Variants in PRDM2 observed in about 807,000 individuals in gnomAD.
The protein encoded by PRDM2 is PR domain zinc finger protein 2.
In PRDM2, 30 loss-of-function variants were observed where a neutral mutation model predicts 130.0. That is an observed-to-expected ratio of 0.23 (90% CI 0.17 to 0.31). The LOEUF is 0.31. Ranked by LOEUF, PRDM2 falls within the 10% of genes least tolerant of loss-of-function variation. The pLI is 1.00. For synonymous variants in PRDM2, 871 were observed against 782.4 expected, an observed-to-expected ratio of 1.11 and a Z score of -1.89; for missense variants, 2,011 against 2,108.4, an observed-to-expected ratio of 0.95 and a Z score of 0.90.
chr1:13,780,530 G>T lies in PRDM2; in HGVS notation c.2735G>T (p.Ser912Ile), dbSNP rs369585093. 1.2e-5 allele frequency: 19 copies of T among 1,614,038 alleles called. No individual in the cohort carries two copies. The highest frequency in any genetic ancestry group is 1.5e-5 in the Non-Finnish European group (18 of 1,180,034). ...PVENPADGTR[S>I]PSPCKSLEAQ... Reference sequence around the variant, plus strand: ...GAAAACCCTGCAGATGGGACCAGGAGCCCAAGTCCTTGTAAATCCCTAGAA... The same window carrying T: ...GAAAACCCTGCAGATGGGACCAGGATCCCAAGTCCTTGTAAATCCCTAGAA... The change falls in exon 8 of 10, where the codon AGC becomes ATC. Residue 912 changes from serine (S) to isoleucine (I), a missense_variant. Transcript: ENST00000311066.
chr1:13,786,332 C>T (rs1039769994), intron 8 of PRDM2, among the ~76,000 whole-genome samples: 5 of 152,096 alleles, frequency 3.3e-5, no homozygotes, highest in East Asian at 1.9e-4. Context: ...GAAATAAATG[C>T]GTGTAGTTCC....
chr1:13,727,562 C>CT (rs1469677032), intron 2 of PRDM2, among the ~76,000 whole-genome samples: 1 of 152,162 alleles, frequency 6.6e-6, no homozygotes. Flanking sequence ...GCGTTCCCCT[C>CT]TTTTTTTTCA....
intron 8 of PRDM2, among the ~76,000 whole-genome samples, chr1:13,789,244 C>T (rs61775127): frequency 6.6e-6 from 1 of 152,230 alleles, no homozygotes; most frequent in African/African-American, 2.4e-5. Context: ...CCTTCCATCC[C>T]TGTTACCATT....
At chr1:13,726,385 C>T (rs1044305683) in intron 2 of PRDM2, among the ~76,000 whole-genome samples, 6 of 152,154 alleles carry the variant, frequency 3.9e-5, no homozygotes, top group Middle Eastern at 3.2e-3. Flanking sequence ...GGTCAAAACT[C>T]GTGAATCAAA....
chr1:13,818,202 G>T (rs552598962), intron 9 of PRDM2, among the ~76,000 whole-genome samples: 4 of 152,302 alleles, frequency 2.6e-5, no homozygotes, highest in African/African-American at 9.6e-5. Flanking sequence ...GGGAATGTGT[G>T]CTTAACACGA....
intron 6 of PRDM2, among the ~76,000 whole-genome samples, chr1:13,757,536 G>C (rs1367995765): frequency 6.6e-6 from 1 of 152,166 alleles, no homozygotes; most frequent in East Asian, 1.9e-4. Context: ...TAACAGTCTG[G>C]TTGTTCCACC....
At chr1:13,784,999 T>A (rs1277487830) in intron 8 of PRDM2, among the ~76,000 whole-genome samples, 1 of 152,218 alleles carries the variant, frequency 6.6e-6, no homozygotes, top group Non-Finnish European at 1.5e-5. Flanking sequence ...GGGCATTTCT[T>A]TAAAGTGTTT....
chr1:13,738,890 G>T (rs1417448942), intron 4 of PRDM2: 1 of 150,494 alleles, frequency 6.6e-6, no homozygotes, highest in African/African-American at 2.5e-5. Context: ...AACCCTTCAG[G>T]TATCTAATTC....
chr1:13,812,589 G>A (rs558242965), intron 8 of PRDM2, among the ~76,000 whole-genome samples: 6 of 152,326 alleles, frequency 3.9e-5, no homozygotes, highest in South Asian at 4.1e-4. Flanking sequence ...CCACTTTGCC[G>A]TGTTAAAGTG....
chr1:13,788,949 T>C (rs867913050), intron 8 of PRDM2, among the ~76,000 whole-genome samples: 7 of 152,032 alleles, frequency 4.6e-5, no homozygotes, highest in Non-Finnish European at 8.8e-5. Flanking sequence ...AAGTGGGGAG[T>C]AGACTGGCTG....
At position 13,780,899 on chromosome 1, in the gene PRDM2, C is replaced by G. The variant is rs975609720; in HGVS notation, c.3104C>G (p.Pro1035Arg). ...PTVSPSPSPI[P>R]PVEPLMSAAS... Reference sequence around the variant, plus strand: ...GTGTCCCCCTCTCCCTCTCCCATTCCTCCCGTGGAGCCCCTGATGTCTGCC... The same window carrying G: ...GTGTCCCCCTCTCCCTCTCCCATTCGTCCCGTGGAGCCCCTGATGTCTGCC... Residue 1035 changes from proline (P) to arginine (R), a missense_variant, in exon 8 of 10, where the codon CCT becomes CGT. Physicochemically the swap from Pro to Arg is moderately radical, Grantham distance 103. Around this residue, in one of 5 missense-constraint regions of PRDM2, gnomAD observed 1,288 missense variants for 1,237.7 expected, o/e 1.04. Coordinates refer to ENST00000311066, the MANE Select transcript of PRDM2 (RefSeq NM_001393986.1). 5.0e-6 allele frequency: 8 copies of G among 1,613,310 alleles called. No individual in the cohort carries two copies. The highest frequency in any genetic ancestry group is 6.8e-6 in the Non-Finnish European group (8 of 1,179,574).
chr1:13,808,267 G>A (rs1486421279), intron 8 of PRDM2, among the ~76,000 whole-genome samples: 2 of 152,040 alleles, frequency 1.3e-5, no homozygotes, highest in Non-Finnish European at 2.9e-5. Context: ...CGAGGCGGGC[G>A]GATCACGAGG....
chr1:13,747,463 A>G, intron 5 of PRDM2, among the ~76,000 whole-genome samples: 1 of 152,176 alleles, frequency 6.6e-6, no homozygotes, highest in East Asian at 1.9e-4. Flanking sequence ...ATTTATTAAT[A>G]TATATTAAAG....
chr1:13,723,975 T>C (rs1217890066), intron 2 of PRDM2, among the ~76,000 whole-genome samples: 2 of 152,228 alleles, frequency 1.3e-5, no homozygotes, highest in Non-Finnish European at 2.9e-5. Context: ...GGAAGGGCTT[T>C]CACAATACAC....
At position 13,779,046 on chromosome 1, in the gene PRDM2, G is replaced by A. The variant is rs1434069085; in HGVS notation, c.1251G>A (p.Lys417=). 1.9e-6 allele frequency: 3 copies of A among 1,614,200 alleles called. No individual in the cohort carries two copies. Among genetic ancestry groups the A allele is most frequent in the African/African-American group, 2.7e-5 (2 of 75,040 alleles). ...RHERRHEAGL[K]RKPSQTLQPS... is the part of the protein sequence containing the mutation. The stretch of plus-strand genomic sequence containing the variant: ...AGCGGCGCCATGAAGCAGGGTTAAA[G>A]CGGAAACCCAGCCAAACACTACAGC... Residue 417 remains lysine, a synonymous_variant, in exon 8 of 10, where the codon AAG becomes AAA. Transcript: ENST00000311066. The surrounding 1 kb of genome is among the most constrained non-coding windows in gnomAD (Gnocchi z 4.9).
Position 13,778,394 on chromosome 1 carries a change from CTTCTGCTTCCATGT to C in PRDM2, c.623-23_623-10del. 1 of 1,557,958 alleles carries C rather than the reference CTTCTGCTTCCATGT, an allele frequency of 6.4e-7. No homozygotes were observed. Among genetic ancestry groups the C allele is most frequent in the Non-Finnish European group, 8.6e-7 (1 of 1,156,278 alleles). ...TGGTTTCCCATGCTTCACTTCCATG[CTTCTGCTTCCATGT>C]GCTTTCTAGGTCCTAAAGAAGACGA... is the stretch of plus-strand genomic sequence containing the variant. On this transcript the variant is annotated splice_polypyrimidine_tract_variant and intron_variant, in intron 7 of 9. Coordinates refer to ENST00000311066, the MANE Select transcript of PRDM2 (RefSeq NM_001393986.1).
intron 6 of PRDM2, among the ~76,000 whole-genome samples, chr1:13,759,262 A>C (rs1443855160): frequency 6.6e-6 from 1 of 151,964 alleles, no homozygotes; most frequent in African/African-American, 2.4e-5. Context: ...AGATTTCCTG[A>C]AACACCACAT....
chr1:13,785,906 T>A (rs1644725758), intron 8 of PRDM2, among the ~76,000 whole-genome samples: 1 of 150,776 alleles, frequency 6.6e-6, no homozygotes, highest in African/African-American at 2.4e-5. Flanking sequence ...TGGCACGATC[T>A]TGGCTCACTG....
At chr1:13,760,854 T>TA (rs144432886) in intron 6 of PRDM2, among the ~76,000 whole-genome samples, 3,342 of 143,196 alleles carry the variant, frequency 0.023, 59 homozygotes, top group South Asian at 0.1. Context: ...GGCACACTTC[T>TA]AAAAAAAAAA....
Sources: gnomAD v4.1 joint callset for allele counts (sites outside exome capture counted in the v4.1 genomes callset) on GRCh38, gnomAD v4.1.1 for gene constraint, gnomAD v4.1.1 regional missense constraint, Gnocchi (gnomAD v3.1) non-coding constraint, MANE v1.5 for transcripts, NCBI Gene and HGNC (gene_info 2026-07-23, HGNC 2026-07-21) for gene names.